The following DGKE variants were observed in gnomAD, a reference collection of about 807,000 sequenced individuals.
The protein encoded by DGKE is DAG kinase epsilon.
Under a neutral mutation model 70.0 loss-of-function variants are expected in DGKE, and 53 were observed. The observed-to-expected ratio is 0.76, with a 90% CI of 0.61 to 0.95. The LOEUF (loss-of-function observed/expected upper bound fraction) is 0.95, where lower values mean the gene tolerates loss of function less well. Ranked by LOEUF, DGKE falls within the 40% of genes least tolerant of loss-of-function variation. DGKE has a pLI of 0.00. For synonymous variants in DGKE, 291 were observed against 257.0 expected, an observed-to-expected ratio of 1.13 and a Z score of -1.27; for missense variants, 655 against 706.9, an observed-to-expected ratio of 0.93 and a Z score of 0.83.
chr17:56,834,647 G>A, intron 1 of DGKE, 131 bp from the exon 2 acceptor site: 1 of 855,694 alleles, frequency 1.2e-6, no homozygotes, highest in South Asian at 1.6e-5. Flanking sequence ...GGGGGGACGA[G>A]GCGCAGTCCC....
chr17:56,852,162 C>T (rs928202042), intron 7 of DGKE, among the ~76,000 whole-genome samples: 2 of 152,156 alleles, frequency 1.3e-5, no homozygotes, highest in African/African-American at 4.8e-5. Context: ...CCTGTAATCC[C>T]AGCACTCTGG....
Position 56,848,059 on chromosome 17 carries a change from G to A in DGKE, c.882G>A (p.Lys294=). ...GWVLDAVDDM[K]IKGQEKYIPQ... is the part of the protein sequence containing the mutation. ...TCCTGGATGCAGTTGATGACATGAA[G>A]ATTAAGGTATTAGTCTTTAAGAACT... The change falls in exon 5 of 12, where the codon AAG becomes AAA. Residue 294 remains lysine, a synonymous_variant. Transcript: ENST00000284061. 6.4e-7 allele frequency: 1 copy of A among 1,555,706 alleles called. No homozygotes were observed. The highest frequency in any genetic ancestry group is 8.7e-7 in the Non-Finnish European group (1 of 1,152,236).
chr17:56,843,593 G>A (rs1907114832), intron 2 of DGKE, among the ~76,000 whole-genome samples: 1 of 151,946 alleles, frequency 6.6e-6, no homozygotes, highest in African/African-American at 2.4e-5. Flanking sequence ...AGGTCTGGAG[G>A]TCAAGACCAG....
intron 2 of DGKE, among the ~76,000 whole-genome samples, chr17:56,837,331 C>T (rs1906692585): frequency 6.6e-6 from 1 of 152,050 alleles, no homozygotes; most frequent in Non-Finnish European, 1.5e-5. Flanking sequence ...GATGGAGAAC[C>T]ACTGCTATAT....
rs563007919 is a variant in DGKE at position 56,869,366 on chromosome 17, T to C, written c.*6575T>C. Reference sequence around the variant, plus strand: ...TGCATCTTAATATGCATGGCAGAACTGTGTGTTTCCTTCCATCTGGATTTT... The same window carrying C: ...TGCATCTTAATATGCATGGCAGAACCGTGTGTTTCCTTCCATCTGGATTTT... On this transcript the variant is annotated 3_prime_UTR_variant, in exon 12 of 12. Transcript: ENST00000284061. The C allele has an allele frequency of 6.6e-6, 1 of 152,382 alleles. No homozygotes were observed. The highest frequency in any genetic ancestry group is 2.4e-5 in the African/African-American group (1 of 41,596). The allele number at this position is 152,382 out of a possible 1,614,324, so 9.4% of individuals were successfully genotyped here. A position where few individuals can be genotyped will look rare whatever the true frequency, so the allele number is the denominator to read the frequency against.
intron 9 of DGKE, among the ~76,000 whole-genome samples, chr17:56,859,526 TCTC>T (rs1908164479): frequency 6.6e-6 from 1 of 151,086 alleles, no homozygotes; most frequent in Admixed American, 6.6e-5. Context: ...TTCACACCAT[TCTC>T]CTGCCTCATC....
At chr17:56,838,315 C>G (rs562127966) in intron 2 of DGKE, among the ~76,000 whole-genome samples, 1 of 152,148 alleles carries the variant, frequency 6.6e-6, no homozygotes, top group Non-Finnish European at 1.5e-5. Flanking sequence ...CATTAATTAT[C>G]TGAAACAGTG....
intron 8 of DGKE, among the ~76,000 whole-genome samples, 179 bp from the exon 9 acceptor site, chr17:56,858,415 A>G (rs1328670128): frequency 6.6e-6 from 1 of 152,242 alleles, no homozygotes. Flanking sequence ...GGATAGGGCC[A>G]GAGGTTGCAC....
chr17:56,850,392 C>T (rs1907575896), intron 7 of DGKE, among the ~76,000 whole-genome samples: 1 of 152,150 alleles, frequency 6.6e-6, no homozygotes, highest in Admixed American at 6.5e-5. Context: ...CTCAGCCTTC[C>T]AAAGTGTTGG....
chr17:56,868,497 C>G lies in DGKE; in HGVS notation c.*5706C>G, dbSNP rs974215990. The stretch of plus-strand genomic sequence containing the variant: ...GACTCCACTTGCTCAGCCAGCTGGC[C>G]TCTTGCACTTTCCCCTGCCCACCAC... On this transcript the variant is annotated 3_prime_UTR_variant, in exon 12 of 12. Coordinates refer to ENST00000284061, the MANE Select transcript of DGKE (RefSeq NM_003647.3). The G allele has an allele frequency of 6.6e-6, 1 of 152,248 alleles. No homozygotes were observed. The highest frequency in any genetic ancestry group is 2.4e-5 in the African/African-American group (1 of 41,436). The allele number at this position is 152,248 out of a possible 1,614,324, so 9.4% of individuals were successfully genotyped here.
In DGKE at chr17:56,856,252, G is replaced by C. The variant is rs546048093; in HGVS notation, c.1099-260G>C. On this transcript the variant is annotated intron_variant, in intron 7 of 11. Transcript: ENST00000284061. The stretch of plus-strand genomic sequence containing the variant: ...ATGAAAAGCCTGGAAGCATCAAGTA[G>C]AGCCATTCTAGATGGTAAGGTCTGA... Among the ~76,000 whole-genome samples the C allele has an allele frequency of 3.9e-5, 6 of 152,214 alleles. No individual in the cohort carries two copies. In the South Asian group the frequency reaches 1.2e-3, roughly 32 times the overall value.
At position 56,847,935 on chromosome 17, in the gene DGKE, C is replaced by T. The variant is rs1229695028; in HGVS notation, c.758C>T (p.Thr253Ile). The T allele has an allele frequency of 6.4e-7, 1 of 1,562,908 alleles. No individual in the cohort carries two copies. The highest frequency in any genetic ancestry group is 8.6e-7 in the Non-Finnish European group (1 of 1,159,216). ...LLNPVQVFDV[T>I]KTPPIKALQL... ...TTTTGTTTCTAGGTTTTTGATGTAA[C>T]TAAAACTCCTCCTATCAAAGCCCTA... is the stretch of plus-strand genomic sequence containing the variant. Residue 253 changes from threonine (T) to isoleucine (I), a missense_variant, in exon 5 of 12, where the codon ACT becomes ATT. By Grantham distance (89) the Thr-to-Ile change is moderately conservative. Transcript: ENST00000284061.
In DGKE at chr17:56,844,109, A is replaced by G. The variant is rs761530698; in HGVS notation, c.555A>G (p.Leu185=). The G allele has an allele frequency of 1.9e-6, 3 of 1,588,336 alleles. No homozygotes were observed. The highest frequency in any genetic ancestry group is 1.7e-4 in the Middle Eastern group (1 of 6,036). The change falls in exon 3 of 12, where the codon CTA becomes CTG. Residue 185 remains leucine, a synonymous_variant. Coordinates refer to ENST00000284061, the MANE Select transcript of DGKE (RefSeq NM_003647.3). The part of the protein sequence containing the change: ...EKCDFGEFKN[L]IIPPSYLTSI... Reference sequence around the variant, plus strand: ...GTGATTTTGGAGAATTCAAAAACCTAATCATTCCACCAAGTTATTTAACAT... The same window carrying G: ...GTGATTTTGGAGAATTCAAAAACCTGATCATTCCACCAAGTTATTTAACAT...
intron 1 of DGKE, among the ~76,000 whole-genome samples, 197 bp from the exon 2 acceptor site, chr17:56,834,581 G>A (rs1317012667): frequency 3.3e-5 from 5 of 152,174 alleles, no homozygotes; most frequent in Admixed American, 3.3e-4. Flanking sequence ...TGGGGAGTGG[G>A]GATTGGAGCG....
Position 56,843,031 on chromosome 17 carries a change from G to C in DGKE, c.465-988G>C, listed in dbSNP as rs1021107316. Among the ~76,000 whole-genome samples, 3 of 152,354 alleles carry C rather than the reference G, an allele frequency of 2.0e-5. No individual in the cohort carries two copies. The East Asian group carries it at 5.8e-4, about 29-fold the overall frequency. The stretch of plus-strand genomic sequence containing the variant: ...GGTTGTACTTACATTTACAGGTTAA[G>C]AGATTTTCAAGCTGGACCCTCAGGA... On this transcript the variant is annotated intron_variant, in intron 2 of 11. Coordinates refer to ENST00000284061, the MANE Select transcript of DGKE (RefSeq NM_003647.3).
intron 2 of DGKE, among the ~76,000 whole-genome samples, chr17:56,839,112 A>G (rs1906807090): frequency 6.6e-6 from 1 of 152,236 alleles, no homozygotes; most frequent in African/African-American, 2.4e-5. Flanking sequence ...TGCTTTTAGA[A>G]TATATTTGCT....
At chr17:56,848,993 GT>G in intron 6 of DGKE, 140 bp downstream of exon 6, 1 of 1,321,398 alleles carries the variant, frequency 7.6e-7, no homozygotes, top group East Asian at 2.4e-5. Context: ...AGATACTGGT[GT>G]TTTGTTTTAT....
chr17:56,848,724 C>G lies in DGKE; in HGVS notation c.917C>G (p.Ala306Gly). 2 of 1,614,082 alleles carry G rather than the reference C, an allele frequency of 1.2e-6. No homozygotes were observed. Among genetic ancestry groups the G allele is most frequent in the South Asian group, 1.1e-5 (1 of 91,068 alleles). The change falls in exon 6 of 12, where the codon GCA becomes GGA. Residue 306 changes from alanine (A) to glycine (G), a missense_variant. By Grantham distance (60) the Ala-to-Gly change is moderately conservative. Coordinates refer to ENST00000284061, the MANE Select transcript of DGKE (RefSeq NM_003647.3). The stretch of plus-strand genomic sequence containing the variant: ...CAAGAAAAGTACATTCCACAAGTTG[C>G]AGTTTTGCCTCTGGGAACAGGCAAC... ...KGQEKYIPQVAVLPLGTGNDL... is the reference protein window; with the variant it reads ...KGQEKYIPQVGVLPLGTGNDL...
chr17:56,859,320 G>T (rs919437155), intron 9 of DGKE, among the ~76,000 whole-genome samples: 1 of 151,376 alleles, frequency 6.6e-6, no homozygotes, highest in Non-Finnish European at 1.5e-5. Flanking sequence ...GCAAGACTCC[G>T]TCTCAAAAAA....
Sources: gnomAD v4.1 joint callset for allele counts (sites outside exome capture counted in the v4.1 genomes callset) on GRCh38, gnomAD v4.1.1 for gene constraint, MANE v1.5 for transcripts, NCBI Gene and HGNC (gene_info 2026-07-23, HGNC 2026-07-21) for gene names.